TMEM108: variants seen among roughly 807,000 people sequenced by gnomAD.
TMEM108 encodes transmembrane protein 108, also known as cancer/testis antigen 124.
In TMEM108, 12 loss-of-function variants were observed where a neutral mutation model predicts 35.1. The observed-to-expected ratio is 0.34, with a 90% CI of 0.22 to 0.55. The LOEUF (loss-of-function observed/expected upper bound fraction) is 0.55. TMEM108 is among the 20% of genes least tolerant of loss of function. TMEM108 has a pLI of 0.89. For synonymous variants in TMEM108, 287 were observed against 308.6 expected, an observed-to-expected ratio of 0.93 and a Z score of 0.73; for missense variants, 680 against 753.3, an observed-to-expected ratio of 0.90 and a Z score of 1.14.
Position 133,302,415 on chromosome 3 carries a change from CTTT to C in TMEM108, c.40+73085_40+73087del, listed in dbSNP as rs927704510. Among the ~76,000 whole-genome samples the C allele has an allele frequency of 1.0e-4, 11 of 110,078 alleles. 1 individual carries two copies. In the South Asian group the frequency reaches 2.3e-3, roughly 23 times the overall value. The allele number at this position is 110,078 out of a possible 152,430, so 72.2% of individuals were successfully genotyped here. On this transcript the variant is annotated intron_variant, in intron 3 of 5. Coordinates refer to ENST00000321871, the MANE Select transcript of TMEM108 (RefSeq NM_023943.4). ...TCTTGAATTTTCTTTTTCTTTCTTTCTTTTTTTTTTTTTTTTTTTTTTTGAGAC... is the reference window on the plus strand; with the variant it reads ...TCTTGAATTTTCTTTTTCTTTCTTTCTTTTTTTTTTTTTTTTTTTTGAGAC...
chr3:133,077,373 T>C (rs1300699287), intron 2 of TMEM108, among the ~76,000 whole-genome samples: 1 of 152,108 alleles, frequency 6.6e-6, no homozygotes, highest in East Asian at 1.9e-4. Context: ...GCAAGTTATA[T>C]GAGGTAGGGT....
intron 2 of TMEM108, among the ~76,000 whole-genome samples, chr3:133,175,024 C>T (rs1013395631): frequency 3.3e-5 from 5 of 152,118 alleles, no homozygotes; most frequent in African/African-American, 7.2e-5. Context: ...AACTATGTGA[C>T]GAATGCACAA....
intron 3 of TMEM108, among the ~76,000 whole-genome samples, chr3:133,335,428 G>T (rs1343004901): frequency 6.6e-6 from 1 of 152,126 alleles, no homozygotes; most frequent in Admixed American, 6.6e-5. Flanking sequence ...TTTGGATAGA[G>T]GATTGTTTTA....
chr3:133,334,465 G>T (rs1029139675), intron 3 of TMEM108, among the ~76,000 whole-genome samples: 3 of 152,178 alleles, frequency 2.0e-5, no homozygotes, highest in Non-Finnish European at 2.9e-5. Context: ...ATGTCATTAT[G>T]GGTGTATGAA....
chr3:133,132,778 T>C (rs1448619278), intron 2 of TMEM108, among the ~76,000 whole-genome samples: 1 of 152,022 alleles, frequency 6.6e-6, no homozygotes, highest in African/African-American at 2.4e-5. Context: ...TTGAAATCCT[T>C]CTGGAAAGGA....
At chr3:133,080,751 A>G (rs1163834006) in intron 2 of TMEM108, among the ~76,000 whole-genome samples, 3 of 152,198 alleles carry the variant, frequency 2.0e-5, no homozygotes, top group African/African-American at 7.2e-5. Context: ...GAGGAAAGCC[A>G]GTACAGTTCA....
intron 2 of TMEM108, among the ~76,000 whole-genome samples, chr3:133,090,206 T>C (rs1943931548): frequency 6.6e-6 from 1 of 152,214 alleles, no homozygotes; most frequent in African/African-American, 2.4e-5. Flanking sequence ...GGATCTGTAG[T>C]CTTTCCCATT....
At chr3:133,151,024 C>T (rs1944792072) in intron 2 of TMEM108, among the ~76,000 whole-genome samples, 1 of 151,988 alleles carries the variant, frequency 6.6e-6, no homozygotes, top group Admixed American at 6.6e-5. Flanking sequence ...CCTTTCTTTT[C>T]GTGGCCTGTG....
intron 2 of TMEM108, among the ~76,000 whole-genome samples, chr3:133,216,157 G>A (rs143448204): frequency 3.0e-4 from 45 of 152,096 alleles, no homozygotes; most frequent in African/African-American, 1.1e-3. Flanking sequence ...AAATATCAGA[G>A]CTTTTCATTT....
intron 2 of TMEM108, chr3:133,119,394 A>G (rs1268169400): frequency 6.6e-6 from 1 of 152,198 alleles, no homozygotes; most frequent in South Asian, 2.1e-4. Flanking sequence ...ACACTCATTT[A>G]AAAATAAATC....
chr3:133,159,261 A>G (rs893903876), intron 2 of TMEM108, among the ~76,000 whole-genome samples: 1 of 152,226 alleles, frequency 6.6e-6, no homozygotes, highest in Non-Finnish European at 1.5e-5. Context: ...TGGTTTTCCA[A>G]CTATAAACTA....
chr3:133,171,663 C>T (rs574593637), intron 2 of TMEM108, among the ~76,000 whole-genome samples: 6 of 152,256 alleles, frequency 3.9e-5, no homozygotes, highest in South Asian at 2.1e-4. Flanking sequence ...TTAGTTTACT[C>T]GCATCTTTTA....
At chr3:133,105,703 G>A (rs1254793008) in intron 2 of TMEM108, among the ~76,000 whole-genome samples, 4 of 152,216 alleles carry the variant, frequency 2.6e-5, no homozygotes, top group Non-Finnish European at 5.9e-5. Flanking sequence ...ACTTTCTCTC[G>A]TCCACAAGTA....
intron 2 of TMEM108, among the ~76,000 whole-genome samples, chr3:133,203,575 C>T (rs111622770): frequency 0.015 from 2,290 of 152,238 alleles, 78 homozygotes; most frequent in African/African-American, 0.051. Context: ...GTCATTGGTT[C>T]TGTTTATGTG....
intron 2 of TMEM108, among the ~76,000 whole-genome samples, chr3:133,173,987 G>C (rs1266717140): frequency 6.6e-6 from 1 of 152,208 alleles, no homozygotes; most frequent in East Asian, 1.9e-4. Flanking sequence ...CCCTCATACT[G>C]CACTTTTCCA....
At chr3:133,388,062 A>G in intron 4 of TMEM108, 1 of 985,446 alleles carries the variant, frequency 1.0e-6, no homozygotes, top group Non-Finnish European at 1.2e-6. Context: ...ACAGGCTGAT[A>G]ACTGAAGAGC....
intron 2 of TMEM108, among the ~76,000 whole-genome samples, chr3:133,128,456 T>A (rs1466837541): frequency 6.6e-6 from 1 of 152,146 alleles, no homozygotes; most frequent in Non-Finnish European, 1.5e-5. Context: ...CTCATTACCA[T>A]CAGAATCAAA....
chr3:133,078,158 T>TGTGTTTGTGTGTGTGTGTGTGTGTGC (rs770304551), intron 2 of TMEM108, among the ~76,000 whole-genome samples: 2 of 116,772 alleles, frequency 1.7e-5, no homozygotes, highest in Admixed American at 8.9e-5. Flanking sequence ...TGTGTGTGTG[T>TGTGTTTGTGTGTGTGTGTGTGTGTGC]GCACGCGCGC....
At chr3:133,283,286 G>A (rs903537138) in intron 3 of TMEM108, among the ~76,000 whole-genome samples, 1 of 152,140 alleles carries the variant, frequency 6.6e-6, no homozygotes, top group Non-Finnish European at 1.5e-5. Context: ...TATGCATGGA[G>A]GTGTGGTAAT....
Sources: allele counts gnomAD v4.1 joint callset (sites outside exome capture counted in the v4.1 genomes callset), GRCh38; gene constraint gnomAD v4.1.1; transcripts MANE v1.5; gene names NCBI Gene and HGNC (gene_info 2026-07-23, HGNC 2026-07-21).